The following ANXA7 variants were observed in gnomAD, a reference collection of about 807,000 sequenced individuals.
The protein encoded by ANXA7 is annexin VII.
In ANXA7, 55 loss-of-function variants were observed where a neutral mutation model predicts 64.9. That is an observed-to-expected ratio of 0.85 (90% CI 0.68 to 1.06). ANXA7 has a LOEUF of 1.06. ANXA7 is among the 50% of genes least tolerant of loss of function. ANXA7 has a pLI of 0.00. For missense variants in ANXA7, 548 were observed against 582.1 expected, an observed-to-expected ratio of 0.94 and a Z score of 0.60; for synonymous variants, 200 against 192.4, an observed-to-expected ratio of 1.04 and a Z score of -0.33.
At chr10:73,389,520 G>A (rs185740733) in intron 5 of ANXA7, among the ~76,000 whole-genome samples, 9 of 151,764 alleles carry the variant, frequency 5.9e-5, no homozygotes, top group Admixed American at 5.9e-4. Flanking sequence ...CTGAGTAAAG[G>A]GTATATACAA....
At chr10:73,396,394 T>C (rs59154127) in intron 5 of ANXA7, 125 bp downstream of exon 5, 67,987 of 713,542 alleles carry the variant, frequency 0.095, 4,989 homozygotes, top group East Asian at 0.29. Context: ...CTATCAGAAG[T>C]AAAGACTTTA....
chr10:73,379,036 G>C lies in ANXA7; in HGVS notation c.1166-13C>G. On this transcript the variant is annotated splice_polypyrimidine_tract_variant and intron_variant, in intron 11 of 12. Transcript: ENST00000372921. ...AGGGCACACTGCACTGCAAGTTAGA[G>C]ATGGTTGAGACATGGAATCATGATC... 1 of 1,568,556 alleles carries C rather than the reference G, an allele frequency of 6.4e-7. No homozygotes were observed. The highest frequency in any genetic ancestry group is 1.7e-4 in the Middle Eastern group (1 of 5,972).
intron 1 of ANXA7, among the ~76,000 whole-genome samples, chr10:73,413,783 G>C (rs573337659): frequency 1.2e-4 from 19 of 152,204 alleles, no homozygotes; most frequent in Non-Finnish European, 2.4e-4. Context: ...CCAAACGGAC[G>C]GAAGGGCTTC....
chr10:73,412,599 C>A (rs2055862693), intron 1 of ANXA7, among the ~76,000 whole-genome samples: 1 of 149,660 alleles, frequency 6.7e-6, no homozygotes, highest in Admixed American at 6.7e-5. Flanking sequence ...GTTCAAGCGA[C>A]TCTCCTGCCT....
chr10:73,383,300 T>C lies in ANXA7; in HGVS notation c.793A>G (p.Arg265Gly), dbSNP rs1416933441. The change falls in exon 9 of 13, where the codon AGA (arginine) becomes GGA (glycine). Residue 265 changes from arginine to glycine, a missense_variant. Arg to Gly is a moderately radical substitution (Grantham distance 125). Transcript: ENST00000372921. ...ATTTCTCGGATTTCCTGATTTGTTC[T>C]TGTGCACAAAATCTCAATCAATACA... is the stretch of plus-strand genomic sequence containing the variant. ...ERVLIEILCTRTNQEIREIVR... is the reference protein window; with the variant it reads ...ERVLIEILCTGTNQEIREIVR... 3.7e-6 allele frequency: 6 copies of C among 1,614,130 alleles called. No individual in the cohort carries two copies. The highest frequency in any genetic ancestry group is 1.3e-5 in the African/African-American group (1 of 75,042).
chr10:73,400,873 A>G lies in ANXA7; in HGVS notation c.-1-16T>C. 1 of 1,583,832 alleles carries G rather than the reference A, an allele frequency of 6.3e-7. No individual in the cohort carries two copies. Among genetic ancestry groups the G allele is most frequent in the Non-Finnish European group, 8.6e-7 (1 of 1,164,706 alleles). On this transcript the variant is annotated splice_polypyrimidine_tract_variant and intron_variant, in intron 1 of 12. Coordinates refer to ENST00000372921, the MANE Select transcript of ANXA7 (RefSeq NM_001156.5). ...GTATGACATTCTGTAACAACAATAA[A>G]AAATGTCCTCTGTAAGTTTTTTGTT...
intron 2 of ANXA7, 106 bp from the exon 3 acceptor site, chr10:73,398,491 T>C: frequency 9.5e-7 from 1 of 1,049,868 alleles, no homozygotes; most frequent in Non-Finnish European, 1.3e-6. Context: ...CCTCATTCTT[T>C]TACTTTTTAA....
At chr10:73,377,930 T>TGTGTGTGTGTGTGTGTGTGC (rs542289005) in intron 12 of ANXA7, among the ~76,000 whole-genome samples, 51 of 142,580 alleles carry the variant, frequency 3.6e-4, no homozygotes, top group African/African-American at 1.4e-3. Flanking sequence ...TGTGTGTGTG[T>TGTGTGTGTGTGTGTGTGTGC]GCGCGCGCGT....
chr10:73,405,954 TCTC>T (rs1380709556), intron 1 of ANXA7, among the ~76,000 whole-genome samples: 1 of 150,298 alleles, frequency 6.7e-6, no homozygotes, highest in African/African-American at 2.4e-5. Flanking sequence ...CCAGTATTTT[TCTC>T]TTCTTTTTTT....
Position 73,396,505 on chromosome 10 carries a change from T to C in ANXA7, c.435+14A>G. 2.5e-6 allele frequency: 4 copies of C among 1,597,116 alleles called. No homozygotes were observed. Among genetic ancestry groups the C allele is most frequent in the Non-Finnish European group, 3.4e-6 (4 of 1,170,462 alleles). On this transcript the variant is annotated intron_variant, in intron 5 of 12. Coordinates refer to ENST00000372921, the MANE Select transcript of ANXA7 (RefSeq NM_001156.5). The stretch of plus-strand genomic sequence containing the variant: ...AGCTACCTAGAGTGAGCTTAAAAGG[T>C]AGGAACAAAATACCTGACTAGGGTA...
intron 1 of ANXA7, among the ~76,000 whole-genome samples, chr10:73,401,603 G>T (rs1255384409): frequency 6.6e-6 from 1 of 152,062 alleles, no homozygotes; most frequent in Non-Finnish European, 1.5e-5. Flanking sequence ...GGGTCCAAGT[G>T]ATTCTCCTGC....
intron 7 of ANXA7, among the ~76,000 whole-genome samples, chr10:73,384,763 T>C (rs1388868666): frequency 6.6e-6 from 1 of 152,154 alleles, no homozygotes; most frequent in Non-Finnish European, 1.5e-5. Context: ...TAACCTGTAC[T>C]CTAGCACTGG....
intron 2 of ANXA7, among the ~76,000 whole-genome samples, chr10:73,398,892 G>A (rs1014329535): frequency 1.3e-5 from 2 of 152,156 alleles, no homozygotes; most frequent in Non-Finnish European, 2.9e-5. Flanking sequence ...TATGCAGAGT[G>A]GCAGAGATTG....
At chr10:73,405,290 C>T (rs1221847785) in intron 1 of ANXA7, among the ~76,000 whole-genome samples, 1 of 150,238 alleles carries the variant, frequency 6.7e-6, no homozygotes, top group Non-Finnish European at 1.5e-5. Flanking sequence ...TGTAATACAC[C>T]CAGCACTTTG....
chr10:73,400,867 C>A lies in ANXA7; in HGVS notation c.-1-10G>T, dbSNP rs2055650966. ...GCCTGGGTATGACATTCTGTAACAA[C>A]AATAAAAAATGTCCTCTGTAAGTTT... On this transcript the variant is annotated splice_polypyrimidine_tract_variant and intron_variant, in intron 1 of 12. Transcript: ENST00000372921. 1 of 1,588,468 alleles carries A rather than the reference C, an allele frequency of 6.3e-7. No homozygotes were observed. Among genetic ancestry groups the A allele is most frequent in the African/African-American group, 1.4e-5 (1 of 73,546 alleles).
At chr10:73,412,732 G>A (rs2055864577) in intron 1 of ANXA7, among the ~76,000 whole-genome samples, 1 of 151,150 alleles carries the variant, frequency 6.6e-6, no homozygotes, top group African/African-American at 2.4e-5. Flanking sequence ...TCCTGACCTC[G>A]TGAATCTCTC....
chr10:73,398,286 T>C lies in ANXA7; in HGVS notation c.154A>G (p.Ser52Gly). The change falls in exon 3 of 13, where the codon AGT (serine) becomes GGT (glycine). Residue 52 changes from serine to glycine, a missense_variant. Physicochemically the swap from Ser to Gly is moderately conservative, Grantham distance 56. Transcript: ENST00000372921. The part of the protein sequence containing the change: ...GGGAYPQVPS[S>G]GYPGAGGYPA... Reference sequence around the variant, plus strand: ...TAGCCTCCAGCTCCTGGGTAGCCACTACTTGGCACTTGTGGGTAGGCACCT... The same window carrying C: ...TAGCCTCCAGCTCCTGGGTAGCCACCACTTGGCACTTGTGGGTAGGCACCT... 1.2e-6 allele frequency: 2 copies of C among 1,614,112 alleles called. No homozygotes were observed. The highest frequency in any genetic ancestry group is 1.7e-6 in the Non-Finnish European group (2 of 1,180,012).
chr10:73,383,477 T>G, intron 8 of ANXA7, 100 bp downstream of exon 8: 1 of 1,243,620 alleles, frequency 8.0e-7, no homozygotes. Flanking sequence ...AAATAAAGAA[T>G]TGCTTTAATT....
intron 5 of ANXA7, among the ~76,000 whole-genome samples, chr10:73,393,216 T>G (rs1342233957): frequency 3.3e-5 from 5 of 152,106 alleles, no homozygotes; most frequent in Non-Finnish European, 5.9e-5. Context: ...CACAAACAAA[T>G]GGAAGAACAA....
Sources: allele counts gnomAD v4.1 joint callset (sites outside exome capture counted in the v4.1 genomes callset), GRCh38; gene constraint gnomAD v4.1.1; transcripts MANE v1.5; gene names NCBI Gene and HGNC (gene_info 2026-07-23, HGNC 2026-07-21).